The following SHPRH variants were observed in gnomAD, a reference collection of about 807,000 sequenced individuals.
The protein encoded by SHPRH is SNF2 histone linker PHD RING helicase, also known as E3 ubiquitin-protein ligase SHPRH.
In SHPRH, 106 loss-of-function variants were observed where a neutral mutation model predicts 202.5. That is an observed-to-expected ratio of 0.52 (90% CI 0.45 to 0.62). SHPRH has a LOEUF of 0.62. Ranked by LOEUF, SHPRH falls within the 20% of genes least tolerant of loss-of-function variation. SHPRH has a pLI of 0.00. For synonymous variants in SHPRH, 729 were observed against 686.0 expected (o/e 1.06, Z -0.98); for missense variants, 1,710 against 2,020.0 (o/e 0.85, Z 2.94).
At chr6:145,909,727 C>A (rs540182768) in intron 25 of SHPRH, 1 of 152,034 alleles carries the variant, frequency 6.6e-6, no homozygotes, top group South Asian at 2.1e-4. Context: ...ACATTTGCTA[C>A]TAAATTTAGA....
chr6:145,861,835 G>A (rs932889960), downstream of SHPRH, among the ~76,000 whole-genome samples: 3 of 152,158 alleles, frequency 2.0e-5, no homozygotes, highest in Admixed American at 2.0e-4. Flanking sequence ...CCATAAAAAG[G>A]AGGAAATTCT....
At position 145,943,650 on chromosome 6, in the gene SHPRH, C is replaced by T. The variant is rs1485442601; in HGVS notation, c.1731G>A (p.Arg577=). 1.7e-5 allele frequency: 28 copies of T among 1,613,686 alleles called. No homozygotes were observed. Among genetic ancestry groups the T allele is most frequent in the Non-Finnish European group, 2.0e-5 (24 of 1,179,854 alleles). ...TTTTTGTGGATGGAACAAGCTTTTT[C>T]CTCAATTTACTGCGATTTCTCCTGG... ...YKSRRNRSKL[R]KKLVPSTKKG... The change falls in exon 9 of 30, where the codon AGG becomes AGA. Residue 577 remains arginine (R), a synonymous_variant. Coordinates refer to ENST00000275233, the MANE Select transcript of SHPRH (RefSeq NM_001042683.3).
At chr6:145,877,849 G>A (rs985962940) in intron 2 of SHPRH, 7 of 152,166 alleles carry the variant, frequency 4.6e-5, no homozygotes, top group African/African-American at 9.7e-5. Context: ...ACCCGAAAAT[G>A]TTTAAATTTA....
chr6:145,861,218 T>C (rs1342127315), downstream of SHPRH, among the ~76,000 whole-genome samples: 2 of 152,050 alleles, frequency 1.3e-5, no homozygotes. Flanking sequence ...AAAATGTTTG[T>C]AGACTTTAAT....
intron 25 of SHPRH, chr6:145,903,301 T>C (rs1782662175): frequency 6.6e-6 from 1 of 151,716 alleles, no homozygotes; most frequent in Non-Finnish European, 1.5e-5. Flanking sequence ...GTGAGACAGA[T>C]GTCACAAATG....
At chr6:145,865,313 T>C (rs1285291244) in intron 2 of SHPRH, among the ~76,000 whole-genome samples, 4 of 152,126 alleles carry the variant, frequency 2.6e-5, no homozygotes, top group African/African-American at 9.7e-5. Context: ...TATAAAGAGA[T>C]ACCAGAGAGC....
chr6:145,962,774 A>T (rs1199461297), intron 1 of SHPRH, among the ~76,000 whole-genome samples: 1 of 152,224 alleles, frequency 6.6e-6, no homozygotes, highest in African/African-American at 2.4e-5. Flanking sequence ...ATGGAAATGA[A>T]GCCCACTCAT....
chr6:145,954,602 G>A (rs1220407540), intron 2 of SHPRH, 88 bp downstream of exon 2: 8 of 1,381,796 alleles, frequency 5.8e-6, no homozygotes, highest in African/African-American at 1.5e-5. Context: ...CTTATTGCTG[G>A]CTTTTCAGAC....
At chr6:145,946,404 T>C in intron 6 of SHPRH, 63 bp from the exon 7 acceptor site, 1 of 1,291,002 alleles carries the variant, frequency 7.7e-7, no homozygotes, top group Non-Finnish European at 1.1e-6. Flanking sequence ...AATTGCTTAT[T>C]GAAATTAACT....
intron 25 of SHPRH, among the ~76,000 whole-genome samples, chr6:145,902,454 C>G (rs903079658): frequency 6.6e-6 from 1 of 152,064 alleles, no homozygotes; most frequent in African/African-American, 2.4e-5. Context: ...GTTAAAATGA[C>G]AGAAAATTCA....
At chr6:145,937,228 C>A (rs1195300230) in intron 11 of SHPRH, among the ~76,000 whole-genome samples, 1 of 152,078 alleles carries the variant, frequency 6.6e-6, no homozygotes, top group African/African-American at 2.4e-5. Context: ...AGATGATCCA[C>A]CCGCCTCAGC....
intron 11 of SHPRH, among the ~76,000 whole-genome samples, chr6:145,937,312 C>A (rs1438112399): frequency 6.6e-6 from 1 of 152,076 alleles, no homozygotes; most frequent in Non-Finnish European, 1.5e-5. Flanking sequence ...ACTGGGGAAA[C>A]CAGTCACCAT....
At chr6:145,948,050 G>A (rs1177137361) in intron 5 of SHPRH, among the ~76,000 whole-genome samples, 1 of 151,880 alleles carries the variant, frequency 6.6e-6, no homozygotes, top group Non-Finnish European at 1.5e-5. Context: ...TTTTAGTCTT[G>A]ATAACTAAGC....
intron 16 of SHPRH, among the ~76,000 whole-genome samples, chr6:145,925,700 T>C (rs1034566534): frequency 5.9e-5 from 9 of 151,944 alleles, no homozygotes; most frequent in African/African-American, 2.2e-4. Context: ...CTATTAACAA[T>C]TTATAGTAAA....
At position 145,885,810 on chromosome 6, in the gene SHPRH, G is replaced by A. The variant is rs1306750294; in HGVS notation, c.*881C>T. ...AAAAAGTCTAGTTACACAAGAACAT[G>A]GGAAAGAAAAAGAATCCAAGACATC... On this transcript the variant is annotated 3_prime_UTR_variant, in exon 30 of 30. Coordinates refer to ENST00000275233, the MANE Select transcript of SHPRH (RefSeq NM_001042683.3). 3 of 151,306 alleles carry A rather than the reference G, an allele frequency of 2.0e-5. No homozygotes were observed. In the East Asian group the frequency reaches 5.8e-4, roughly 29 times the overall value. The allele number at this position is 151,306 out of a possible 1,614,324, so 9.4% of individuals were successfully genotyped here. A position where few individuals can be genotyped will look rare whatever the true frequency, so the allele number is the denominator to read the frequency against.
At chr6:145,890,111 C>T (rs1781450717) in intron 28 of SHPRH, among the ~76,000 whole-genome samples, 1 of 152,134 alleles carries the variant, frequency 6.6e-6, no homozygotes, top group African/African-American at 2.4e-5. Context: ...TGATCTCATT[C>T]TCTTCCTTTT....
chr6:145,860,383 T>A (rs1779540260), downstream of SHPRH, among the ~76,000 whole-genome samples: 1 of 151,874 alleles, frequency 6.6e-6, no homozygotes, highest in South Asian at 2.1e-4. Flanking sequence ...AAAGAAAATT[T>A]AAAAAATATT....
intron 14 of SHPRH, among the ~76,000 whole-genome samples, chr6:145,932,301 G>C (rs1463023057): frequency 1.3e-5 from 2 of 152,180 alleles, no homozygotes; most frequent in Non-Finnish European, 2.9e-5. Context: ...AACAGACAAT[G>C]GATTTACTCT....
chr6:145,925,779 A>T (rs1467993812), intron 16 of SHPRH, among the ~76,000 whole-genome samples: 1 of 151,942 alleles, frequency 6.6e-6, no homozygotes, highest in Non-Finnish European at 1.5e-5. Flanking sequence ...TGTAGAGGAA[A>T]CTTCTTTGGG....
Sources: gnomAD v4.1 joint callset for allele counts (sites outside exome capture counted in the v4.1 genomes callset) on GRCh38, gnomAD v4.1.1 for gene constraint, MANE v1.5 for transcripts, NCBI Gene and HGNC (gene_info 2026-07-23, HGNC 2026-07-21) for gene names.